The following RSRC1 variants were observed in gnomAD, a reference collection of about 807,000 sequenced individuals.
RSRC1 encodes serine/Arginine-related protein 53.
In RSRC1, 39 loss-of-function variants were observed where a neutral mutation model predicts 49.1. The observed-to-expected ratio is 0.79, with a 90% CI of 0.61 to 1.04. The LOEUF is 1.04. Among genes scored for constraint, RSRC1 ranks in the 50% least tolerant of loss-of-function variants. RSRC1 has a pLI of 0.00. For missense variants in RSRC1, 388 were observed against 402.4 expected, an observed-to-expected ratio of 0.96 and a Z score of 0.31; for synonymous variants, 143 against 130.8, an observed-to-expected ratio of 1.09 and a Z score of -0.63.
chr3:158,185,558 AT>A (rs999586375), intron 3 of RSRC1, among the ~76,000 whole-genome samples: 65 of 152,042 alleles, frequency 4.3e-4, no homozygotes, highest in African/African-American at 1.5e-3. Context: ...TTTAAAAATT[AT>A]TCATTCTACT....
chr3:158,290,518 G>T (rs187001738), intron 4 of RSRC1, among the ~76,000 whole-genome samples: 1 of 151,848 alleles, frequency 6.6e-6, no homozygotes, highest in Admixed American at 6.6e-5. Flanking sequence ...CTCGTGATCC[G>T]CCCACCTTGG....
rs988683019 is a variant in RSRC1, at chr3:158,142,084, C to T, written c.320+18093C>T. Among the ~76,000 whole-genome samples the T allele has an allele frequency of 3.3e-5, 5 of 151,946 alleles. No individual in the cohort carries two copies. In the East Asian group the frequency reaches 5.8e-4, roughly 18 times the overall value. On this transcript the variant is annotated intron_variant, in intron 3 of 9. Transcript: ENST00000611884. Reference sequence around the variant, plus strand: ...CTGCACTCCAGCCTGGGCAACAGAGCGAGACTCCGTCTCAAAAAAGAAAGA... The same window carrying T: ...CTGCACTCCAGCCTGGGCAACAGAGTGAGACTCCGTCTCAAAAAAGAAAGA...
rs545998249 is a variant in RSRC1 at position 158,267,604 on chromosome 3, T to G, written c.495-30435T>G. ...GGTCTTTCTTTAAGTTCACTGATTTTATTTTTCTGTTTTCTTTCTTGAGCC... is the reference window on the plus strand; with the variant it reads ...GGTCTTTCTTTAAGTTCACTGATTTGATTTTTCTGTTTTCTTTCTTGAGCC... On this transcript the variant is annotated intron_variant, in intron 4 of 9. Coordinates refer to ENST00000611884, the MANE Select transcript of RSRC1 (RefSeq NM_001271838.2). Among the ~76,000 whole-genome samples, 8 of 152,104 alleles carry G rather than the reference T, an allele frequency of 5.3e-5. No individual in the cohort carries two copies. In the South Asian group the frequency reaches 1.7e-3, roughly 32 times the overall value.
intron 3 of RSRC1, among the ~76,000 whole-genome samples, chr3:158,171,637 A>G (rs1054355135): frequency 2.6e-5 from 4 of 152,150 alleles, no homozygotes; most frequent in Admixed American, 1.3e-4. Context: ...GGAGATGACA[A>G]AGGAAGGAGT....
chr3:158,373,812 A>C (rs751527235), intron 6 of RSRC1, among the ~76,000 whole-genome samples: 3 of 152,026 alleles, frequency 2.0e-5, no homozygotes, highest in Non-Finnish European at 4.4e-5. Context: ...TGAATAAATG[A>C]ATGAATATCA....
chr3:158,456,737 A>T (rs1737345610), intron 6 of RSRC1, among the ~76,000 whole-genome samples: 1 of 152,176 alleles, frequency 6.6e-6, no homozygotes, highest in South Asian at 2.1e-4. Flanking sequence ...ATAGCAATTC[A>T]AACAAAAGGT....
chr3:158,415,647 T>G (rs6441194), intron 6 of RSRC1, among the ~76,000 whole-genome samples: 7,740 of 152,150 alleles, frequency 0.051, 272 homozygotes, highest in Non-Finnish European at 0.074. Context: ...TCTTATTAAT[T>G]AATAGTGCTA....
intron 3 of RSRC1, among the ~76,000 whole-genome samples, chr3:158,194,647 T>TCCCCCCC (rs199693726): frequency 5.0e-5 from 4 of 80,504 alleles, no homozygotes; most frequent in African/African-American, 9.1e-5. Context: ...TCCCTCCCCC[T>TCCCCCCC]CCCCCCACCC....
intron 7 of RSRC1, among the ~76,000 whole-genome samples, chr3:158,518,148 A>T (rs9682981): frequency 0.14 from 6,056 of 43,994 alleles, 563 homozygotes; most frequent in Non-Finnish European, 0.16. Flanking sequence ...ATATATATAT[A>T]TTTTTTTTTT....
At chr3:158,110,601 C>G (rs1714316970) in intron 1 of RSRC1, 1 of 152,410 alleles carries the variant, frequency 6.6e-6, no homozygotes, top group African/African-American at 2.4e-5. Flanking sequence ...CTCACTAGCT[C>G]TAGGTAGGGT....
chr3:158,238,425 A>C (rs1184005045), intron 4 of RSRC1, among the ~76,000 whole-genome samples: 4 of 152,192 alleles, frequency 2.6e-5, no homozygotes, highest in Non-Finnish European at 5.9e-5. Flanking sequence ...CCTAAGCCAA[A>C]AGAACAAAGC....
intron 3 of RSRC1, among the ~76,000 whole-genome samples, chr3:158,181,631 A>G (rs1032530960): frequency 1.3e-5 from 2 of 152,256 alleles, no homozygotes; most frequent in Non-Finnish European, 2.9e-5. Flanking sequence ...TTTAACAAAA[A>G]TACCTTATAG....
intron 7 of RSRC1, among the ~76,000 whole-genome samples, chr3:158,464,701 A>G (rs1737789131): frequency 1.3e-5 from 2 of 152,134 alleles, no homozygotes; most frequent in Non-Finnish European, 2.9e-5. Flanking sequence ...GGTAAAGAGT[A>G]CTAGTAACTG....
At chr3:158,425,972 A>G (rs1287401843) in intron 6 of RSRC1, among the ~76,000 whole-genome samples, 2 of 151,766 alleles carry the variant, frequency 1.3e-5, no homozygotes, top group Non-Finnish European at 2.9e-5. Context: ...GAAGCAATAG[A>G]ACATCCAAAA....
At chr3:158,180,450 T>TGTGTGTGTGTGTGTG (rs1559931927) in intron 3 of RSRC1, among the ~76,000 whole-genome samples, 5 of 51,476 alleles carry the variant, frequency 9.7e-5, no homozygotes, top group Admixed American at 2.7e-4. Flanking sequence ...GTGTGTGTGT[T>TGTGTGTGTGTGTGTG]TATGTGTCTG....
intron 7 of RSRC1, among the ~76,000 whole-genome samples, chr3:158,531,808 G>A (rs1044461276): frequency 1.3e-5 from 2 of 151,780 alleles, no homozygotes; most frequent in African/African-American, 4.8e-5. Flanking sequence ...AAAACAATTG[G>A]ATGTGCTCAC....
At chr3:158,153,925 G>C (rs1271802981) in intron 3 of RSRC1, among the ~76,000 whole-genome samples, 1 of 152,124 alleles carries the variant, frequency 6.6e-6, no homozygotes. Context: ...ATGAGACTGG[G>C]ATACATGTAT....
chr3:158,437,815 C>T (rs1736133394), intron 6 of RSRC1, among the ~76,000 whole-genome samples: 1 of 151,954 alleles, frequency 6.6e-6, no homozygotes, highest in Admixed American at 6.6e-5. Context: ...AAGTGCTGGC[C>T]AGGGCAATCA....
intron 3 of RSRC1, among the ~76,000 whole-genome samples, chr3:158,187,309 G>A (rs1318287876): frequency 6.6e-6 from 1 of 151,842 alleles, no homozygotes; most frequent in African/African-American, 2.4e-5. Context: ...TAATAATAGG[G>A]GAAAGTGTTA....
Sources: gnomAD v4.1 joint callset for allele counts (sites outside exome capture counted in the v4.1 genomes callset) on GRCh38, gnomAD v4.1.1 for gene constraint, MANE v1.5 for transcripts, NCBI Gene and HGNC (gene_info 2026-07-23, HGNC 2026-07-21) for gene names.